ADGRV1: variants seen among roughly 807,000 people sequenced by gnomAD.
ADGRV1 encodes the protein adhesion G protein-coupled receptor V1.
A neutral mutation model predicts 596.2 loss-of-function variants in ADGRV1; 359 were observed. The ratio of observed to expected loss-of-function variants is 0.60; its 90% CI spans 0.55 to 0.66. ADGRV1 has a LOEUF of 0.66. Among genes scored for constraint, ADGRV1 ranks in the 30% least tolerant of loss-of-function variants. The probability of loss-of-function intolerance (pLI) is 0.00; values close to 1 mark genes in which losing one functional copy is unlikely to be tolerated. For synonymous variants in ADGRV1, 2,681 were observed against 2,679.2 expected (o/e 1.00, Z -0.02); for missense variants, 7,274 against 7,575.6 (o/e 0.96, Z 1.48).
chr5:91,159,839 A>G (rs73773305), intron 89 of ADGRV1, among the ~76,000 whole-genome samples: 6,529 of 152,298 alleles, frequency 0.043, 376 homozygotes, highest in African/African-American at 0.13. Context: ...ACTAGAACAA[A>G]GACTCAGGAT....
At position 91,073,923 on chromosome 5, in the gene ADGRV1, CCTGAGCTCAGGCGAT is replaced by C. The variant is rs552682455; in HGVS notation, c.18310+1321_18310+1335del. Among the ~76,000 whole-genome samples the C allele has an allele frequency of 5.6e-4, 85 of 152,316 alleles. 1 individual carries two copies. Among genetic ancestry groups the C allele is most frequent in the African/African-American group, 2.0e-3 (83 of 41,570 alleles). On this transcript the variant is annotated intron_variant, in intron 86 of 89. Transcript: ENST00000405460. ...ACATTGCCCAGGCTGGTCTTGAACTCCTGAGCTCAGGCGATCCACCTGCTTCAGCCTCCCAAAGTG... is the reference window on the plus strand; with the variant it reads ...ACATTGCCCAGGCTGGTCTTGAACTCCCACCTGCTTCAGCCTCCCAAAGTG...
At chr5:90,690,754 T>C in intron 30 of ADGRV1, 43 bp from the exon 31 acceptor site, 1 of 1,561,718 alleles carries the variant, frequency 6.4e-7, no homozygotes, top group South Asian at 1.2e-5. Flanking sequence ...TATCTCTGTT[T>C]CACTTTGTAT....
intron 83 of ADGRV1, among the ~76,000 whole-genome samples, chr5:90,946,416 T>C (rs1776580997): frequency 6.6e-6 from 1 of 152,170 alleles, no homozygotes; most frequent in Admixed American, 6.5e-5. Context: ...CATAATCATT[T>C]TGCAATATCT....
chr5:90,900,126 C>T (rs555399122), intron 83 of ADGRV1, among the ~76,000 whole-genome samples: 2 of 152,132 alleles, frequency 1.3e-5, no homozygotes, highest in Non-Finnish European at 2.9e-5. Flanking sequence ...TTTATTATGA[C>T]ACCTCATTTT....
At chr5:90,616,343 G>A (rs1230849953) in intron 2 of ADGRV1, among the ~76,000 whole-genome samples, 4 of 152,022 alleles carry the variant, frequency 2.6e-5, no homozygotes, top group Non-Finnish European at 5.9e-5. Flanking sequence ...AATCTTACCA[G>A]TAATGCTGAT....
At chr5:91,083,246 TA>T (rs1202760227) in intron 86 of ADGRV1, among the ~76,000 whole-genome samples, 1 of 99,044 alleles carries the variant, frequency 1.0e-5, no homozygotes, top group Non-Finnish European at 2.0e-5. Context: ...TGTCATGGGG[TA>T]GGGGGGATGG....
intron 84 of ADGRV1, among the ~76,000 whole-genome samples, chr5:90,978,735 A>G (rs903867411): frequency 1.3e-5 from 2 of 152,210 alleles, no homozygotes; most frequent in Admixed American, 6.5e-5. Context: ...TTAAAAATTT[A>G]AACACATTTA....
Position 90,856,655 on chromosome 5 carries a change from G to C in ADGRV1, c.17755+754G>C, listed in dbSNP as rs149425683. On this transcript the variant is annotated intron_variant, in intron 82 of 89. Transcript: ENST00000405460. ...GGTGCTATACAGTGAATTAAATTAAGAGCTGGGCATAGGGTAATGGTTAAA... is the reference window on the plus strand; with the variant it reads ...GGTGCTATACAGTGAATTAAATTAACAGCTGGGCATAGGGTAATGGTTAAA... Among the ~76,000 whole-genome samples the C allele has an allele frequency of 3.2e-4, 48 of 152,236 alleles. No individual in the cohort carries two copies. In the East Asian group the frequency reaches 8.1e-3, roughly 26 times the overall value.
At chr5:90,776,384 AG>A (rs1758232727) in intron 60 of ADGRV1, 68 bp from the exon 61 acceptor site, 15 of 1,470,924 alleles carry the variant, frequency 1.0e-5, no homozygotes, top group Non-Finnish European at 1.3e-5. Flanking sequence ...GTGCTTAGAA[AG>A]TTTCCAGGCA....
chr5:91,035,846 A>ATATATATATATATAT (rs1351108817), intron 85 of ADGRV1, among the ~76,000 whole-genome samples: 1 of 39,832 alleles, frequency 2.5e-5, no homozygotes, highest in Non-Finnish European at 6.5e-5. Context: ...ATGAGTGTGT[A>ATATATATATATATAT]TATATATATA....
At position 90,675,367 on chromosome 5, in the gene ADGRV1, T is replaced by A; in HGVS notation, c.5235T>A (p.Arg1745=). The A allele has an allele frequency of 6.2e-7, 1 of 1,613,902 alleles. No individual in the cohort carries two copies. The change falls in exon 24 of 90, where the codon CGT becomes CGA. Residue 1745 remains arginine, a synonymous_variant. Transcript: ENST00000405460. ...EDGEIRLLVI[R]AQGLLGRVTA... is the part of the protein sequence containing the mutation. ...GAGAAATCAGGTTATTGGTCATCCG[T>A]GCACAGGGACTTCTGGGAAGGGTGA...
intron 83 of ADGRV1, among the ~76,000 whole-genome samples, chr5:90,894,955 G>T (rs960812873): frequency 1.3e-5 from 2 of 151,656 alleles, no homozygotes; most frequent in Admixed American, 6.6e-5. Context: ...TTCAGACAGG[G>T]TCTTGCTCTG....
intron 78 of ADGRV1, among the ~76,000 whole-genome samples, chr5:90,847,772 G>A (rs1766054173): frequency 6.6e-6 from 1 of 152,198 alleles, no homozygotes; most frequent in Non-Finnish European, 1.5e-5. Context: ...CTGAATGCGG[G>A]GCCCACTGAG....
chr5:90,656,179 A>G (rs1047928575), intron 20 of ADGRV1, among the ~76,000 whole-genome samples: 2 of 152,356 alleles, frequency 1.3e-5, no homozygotes, highest in Non-Finnish European at 2.9e-5. Flanking sequence ...AGAATTAGTC[A>G]TAGAAGCAAA....
chr5:91,136,451 A>G (rs193216945), intron 87 of ADGRV1, among the ~76,000 whole-genome samples: 28 of 152,284 alleles, frequency 1.8e-4, no homozygotes, highest in South Asian at 1.0e-3. Context: ...TGGCCTTGTA[A>G]TGTTATGTTA....
chr5:90,846,843 G>A (rs1430471512), intron 78 of ADGRV1, among the ~76,000 whole-genome samples: 1 of 152,180 alleles, frequency 6.6e-6, no homozygotes, highest in Non-Finnish European at 1.5e-5. Flanking sequence ...CCGTTTTACA[G>A]AGAGCCGATT....
At chr5:90,634,482 T>C in intron 9 of ADGRV1, among the ~76,000 whole-genome samples, 1 of 152,248 alleles carries the variant, frequency 6.6e-6, no homozygotes, top group South Asian at 2.1e-4. Context: ...CTATATGTTA[T>C]ACATTGCAGT....
At chr5:90,788,040 A>G (rs1404210221) in intron 67 of ADGRV1, 31 bp from the exon 68 acceptor site, 3 of 1,543,656 alleles carry the variant, frequency 1.9e-6, no homozygotes, top group Non-Finnish European at 2.6e-6. Context: ...ATCTCTATTA[A>G]AGAAATACCA....
intron 77 of ADGRV1, among the ~76,000 whole-genome samples, chr5:90,839,373 C>T (rs1411494435): frequency 5.3e-5 from 8 of 152,168 alleles, no homozygotes; most frequent in African/African-American, 1.9e-4. Context: ...TGCCACCATG[C>T]CCGGCTAATT....
Sources: allele counts gnomAD v4.1 joint callset (sites outside exome capture counted in the v4.1 genomes callset), GRCh38; gene constraint gnomAD v4.1.1; transcripts MANE v1.5; gene names NCBI Gene and HGNC (gene_info 2026-07-23, HGNC 2026-07-21).